The following DMRTA1 variants were observed in gnomAD, a reference collection of about 807,000 sequenced individuals.
DMRTA1 encodes the protein doublesex- and mab-3-related transcription factor A1.
Under a neutral mutation model 35.2 loss-of-function variants are expected in DMRTA1, and 34 were observed. The ratio of observed to expected loss-of-function variants is 0.97; its 90% CI spans 0.74 to 1.29. The LOEUF (loss-of-function observed/expected upper bound fraction) is 1.29, where lower values mean the gene tolerates loss of function less well. DMRTA1 is among the 50% of genes most tolerant of loss of function. The probability of loss-of-function intolerance (pLI) is 0.00; values close to 1 mark genes in which losing one functional copy is unlikely to be tolerated. For missense variants in DMRTA1, 824 were observed against 644.6 expected (o/e 1.28, Z -3.01); for synonymous variants, 344 against 276.6 (o/e 1.24, Z -2.42).
rs1248224722 is a variant in DMRTA1, at chr9:22,447,156, C to T, written c.91C>T (p.Pro31Ser). Reference protein sequence around the residue: ...PGLVVAAPPPPSPALPVPSGM... With the variant: ...PGLVVAAPPPSSPALPVPSGM... ...GCTAGTGGTGGCTGCCCCTCCGCCC[C>T]CGTCCCCGGCGTTGCCGGTACCATC... The change falls in exon 1 of 2, where the codon CCG becomes TCG. Residue 31 changes from proline to serine, a missense_variant. Pro to Ser is a moderately conservative substitution (Grantham distance 74). Transcript: ENST00000325870. 4 of 1,601,676 alleles carry T rather than the reference C, an allele frequency of 2.5e-6. No individual in the cohort carries two copies. Among genetic ancestry groups the T allele is most frequent in the Non-Finnish European group, 2.6e-6 (3 of 1,175,356 alleles).
chr9:22,446,991 C>T lies in DMRTA1; in HGVS notation c.-75C>T. The T allele has an allele frequency of 6.5e-7, 1 of 1,540,200 alleles. No individual in the cohort carries two copies. Among genetic ancestry groups the T allele is most frequent in the Non-Finnish European group, 8.8e-7 (1 of 1,141,298 alleles). Reference sequence around the variant, plus strand: ...ACCACGGCGCGTCCTGCCCCGGCTTCCCCAGCCTCCCAGCAGGGTTAGCTG... The same window carrying T: ...ACCACGGCGCGTCCTGCCCCGGCTTTCCCAGCCTCCCAGCAGGGTTAGCTG... On this transcript the variant is annotated 5_prime_UTR_variant, in exon 1 of 2. Transcript: ENST00000325870.
At chr9:22,448,179 G>A (rs1818869279) in intron 1 of DMRTA1, among the ~76,000 whole-genome samples, 1 of 152,128 alleles carries the variant, frequency 6.6e-6, no homozygotes, top group Non-Finnish European at 1.5e-5. Flanking sequence ...CGCCATTACA[G>A]CTCACTGCAG....
Position 22,451,540 on chromosome 9 carries a change from C to T in DMRTA1, c.1144C>T (p.Leu382=). 6.2e-7 allele frequency: 1 copy of T among 1,614,150 alleles called. No individual in the cohort carries two copies. The highest frequency in any genetic ancestry group is 2.2e-5 in the East Asian group (1 of 44,892). Residue 382 remains leucine, a synonymous_variant, in exon 2 of 2, where the codon CTG becomes TTG. Coordinates refer to ENST00000325870, the MANE Select transcript of DMRTA1 (RefSeq NM_022160.3). The part of the protein sequence containing the change: ...DNRNLANSEE[L]ENTAFQRASS... ...CAGGAACCTAGCAAACTCAGAAGAA[C>T]TGGAAAACACAGCCTTTCAGAGAGC...
rs1818939677 is a variant in DMRTA1 at position 22,452,006 on chromosome 9, A to G, written c.*95A>G. ...ACACATCCATTAATATACTTCAGTA[A>G]GTATGTGAGTGGATTATGAGGTCTT... On this transcript the variant is annotated 3_prime_UTR_variant, in exon 2 of 2. Transcript: ENST00000325870. 9 of 1,403,146 alleles carry G rather than the reference A, an allele frequency of 6.4e-6. No homozygotes were observed. The East Asian group carries it at 2.3e-4, about 35-fold the overall frequency. The allele number at this position is 1,403,146 out of a possible 1,614,324, so 86.9% of individuals were successfully genotyped here. A position where few individuals can be genotyped will look rare whatever the true frequency, so the allele number is the denominator to read the frequency against.
chr9:22,449,410 A>T (rs564946379), intron 1 of DMRTA1, among the ~76,000 whole-genome samples: 1 of 152,336 alleles, frequency 6.6e-6, no homozygotes, highest in South Asian at 2.1e-4. Context: ...CAGAGAGACG[A>T]TATAAGTGGT....
chr9:22,451,582 G>A lies in DMRTA1; in HGVS notation c.1186G>A (p.Ala396Thr), dbSNP rs35310697. Residue 396 changes from alanine (A) to threonine (T), a missense_variant, in exon 2 of 2, where the codon GCT (alanine) becomes ACT (threonine). By Grantham distance (58) the Ala-to-Thr change is moderately conservative. Coordinates refer to ENST00000325870, the MANE Select transcript of DMRTA1 (RefSeq NM_022160.3). ...AFQRASSFSLAGIGFGTLGNK... is the reference protein window; with the variant it reads ...AFQRASSFSLTGIGFGTLGNK... ...TCAGAGAGCTTCAAGTTTTAGTCTT[G>A]CTGGAATTGGTTTTGGAACTCTAGG... is the stretch of plus-strand genomic sequence containing the variant. 1.2e-6 allele frequency: 2 copies of A among 1,613,984 alleles called. No individual in the cohort carries two copies. The highest frequency in any genetic ancestry group is 1.7e-6 in the Non-Finnish European group (2 of 1,179,968).
In DMRTA1 at chr9:22,447,034, A is replaced by C; in HGVS notation, c.-32A>C. 6.3e-7 allele frequency: 1 copy of C among 1,593,436 alleles called. No homozygotes were observed. Among genetic ancestry groups the C allele is most frequent in the Non-Finnish European group, 8.5e-7 (1 of 1,171,042 alleles). ...GTTAGCTGCGGTCAGCGCACTTTCCACTTGGGACTCCCGGCCAGAAATTTC... is the reference window on the plus strand; with the variant it reads ...GTTAGCTGCGGTCAGCGCACTTTCCCCTTGGGACTCCCGGCCAGAAATTTC... On this transcript the variant is annotated 5_prime_UTR_variant, in exon 1 of 2. Transcript: ENST00000325870.
chr9:22,452,350 A>G lies in DMRTA1; in HGVS notation c.*439A>G, dbSNP rs902656000. 6.5e-6 allele frequency: 1 copy of G among 153,430 alleles called. No individual in the cohort carries two copies. The highest frequency in any genetic ancestry group is 1.5e-5 in the Non-Finnish European group (1 of 68,760). 9.5% of individuals were successfully genotyped at this position (153,430 alleles called of 1,614,324 possible). On this transcript the variant is annotated 3_prime_UTR_variant, in exon 2 of 2. Coordinates refer to ENST00000325870, the MANE Select transcript of DMRTA1 (RefSeq NM_022160.3). ...ACAATTAAGGCAATTCTAAATAATT[A>G]CCATTTCAAAACTGTTTCTTCTATT...
At chr9:22,450,326 T>A (rs1587669279) in intron 1 of DMRTA1, among the ~76,000 whole-genome samples, 1 of 152,074 alleles carries the variant, frequency 6.6e-6, no homozygotes, top group East Asian at 1.9e-4. Context: ...GCTTTTAAAG[T>A]CTGTTATTGA....
rs1196086677 is a variant in DMRTA1 at position 22,455,458 on chromosome 9, A to T, written c.*3547A>T. On this transcript the variant is annotated 3_prime_UTR_variant, in exon 2 of 2. Coordinates refer to ENST00000325870, the MANE Select transcript of DMRTA1 (RefSeq NM_022160.3). ...GAGTACAGTAATGCTTATATACGGG[A>T]TGCTAAATAAATAACTCTCACTGTT... 6.6e-6 allele frequency: 1 copy of T among 152,204 alleles called. No homozygotes were observed. The highest frequency in any genetic ancestry group is 1.5e-5 in the Non-Finnish European group (1 of 68,030). 9.4% of individuals were successfully genotyped at this position (152,204 alleles called of 1,614,324 possible). A position where few individuals can be genotyped will look rare whatever the true frequency, so the allele number is the denominator to read the frequency against.
chr9:22,447,616 C>T lies in DMRTA1; in HGVS notation c.551C>T (p.Ser184Phe), dbSNP rs897965378. ...GGCGGCAGAGCCGAGAATCCACAGT[C>T]CACGGGCGGCCCTGCGGCGGGGGCT... ...GGGGRAENPQ[S>F]TGGPAAGAAL... The change falls in exon 1 of 2, where the codon TCC (serine) becomes TTC (phenylalanine). Residue 184 changes from serine (S) to phenylalanine (F), a missense_variant. By Grantham distance (155) the Ser-to-Phe change is radical. Transcript: ENST00000325870. 1.2e-6 allele frequency: 2 copies of T among 1,610,354 alleles called. No individual in the cohort carries two copies. Among genetic ancestry groups the T allele is most frequent in the African/African-American group, 1.3e-5 (1 of 74,982 alleles).
rs1012167429 is a variant in DMRTA1, at chr9:22,454,061, T to G, written c.*2150T>G. ...TAAAATAGTTTTATAATCATAAAAC[T>G]TAATTTATATAATGCCTTACACATT... is the stretch of plus-strand genomic sequence containing the variant. On this transcript the variant is annotated 3_prime_UTR_variant, in exon 2 of 2. Coordinates refer to ENST00000325870, the MANE Select transcript of DMRTA1 (RefSeq NM_022160.3). The G allele has an allele frequency of 2.0e-5, 3 of 152,144 alleles. No homozygotes were observed. The highest frequency in any genetic ancestry group is 7.2e-5 in the African/African-American group (3 of 41,450). The allele number at this position is 152,144 out of a possible 1,614,324, so 9.4% of individuals were successfully genotyped here. A position where few individuals can be genotyped will look rare whatever the true frequency, so the allele number is the denominator to read the frequency against.
Position 22,447,321 on chromosome 9 carries a change from G to A in DMRTA1, c.256G>A (p.Ala86Thr). ...PAPGLESGVG[A>T]VGCGYPRTPK... ...TCCCGGGCTGGAGAGCGGGGTAGGC[G>A]CGGTGGGCTGCGGCTACCCGCGGAC... is the stretch of plus-strand genomic sequence containing the variant. Residue 86 changes from alanine to threonine, a missense_variant, in exon 1 of 2, where the codon GCG becomes ACG. Physicochemically the swap from Ala to Thr is moderately conservative, Grantham distance 58. Transcript: ENST00000325870. 2 of 1,533,972 alleles carry A rather than the reference G, an allele frequency of 1.3e-6. No individual in the cohort carries two copies. Among genetic ancestry groups the A allele is most frequent in the Non-Finnish European group, 1.7e-6 (2 of 1,144,322 alleles).
rs1401513722 is a variant in DMRTA1, at chr9:22,455,697, A to G, written c.*3786A>G. On this transcript the variant is annotated 3_prime_UTR_variant, in exon 2 of 2. Transcript: ENST00000325870. ...ACATATTCTCGTATATGTTATTTGG[A>G]TTATTTTCAGGGCTTTCTGAAGAAA... 1.3e-5 allele frequency: 2 copies of G among 152,090 alleles called. No homozygotes were observed. Among genetic ancestry groups the G allele is most frequent in the African/African-American group, 4.8e-5 (2 of 41,416 alleles). The allele number at this position is 152,090 out of a possible 1,614,324, so 9.4% of individuals were successfully genotyped here.
At position 22,447,108 on chromosome 9, in the gene DMRTA1, G is replaced by A. The variant is rs1478835471; in HGVS notation, c.43G>A (p.Gly15Ser). The A allele has an allele frequency of 1.6e-5, 26 of 1,609,114 alleles. No individual in the cohort carries two copies. The highest frequency in any genetic ancestry group is 2.2e-5 in the Non-Finnish European group (26 of 1,178,570). Residue 15 changes from glycine to serine, a missense_variant, in exon 1 of 2, where the codon GGC becomes AGC. Physicochemically the swap from Gly to Ser is moderately conservative, Grantham distance 56 (BLOSUM62 0). Coordinates refer to ENST00000325870, the MANE Select transcript of DMRTA1 (RefSeq NM_022160.3). The part of the protein sequence containing the change: ...QCGSRDRGVS[G>S]RPHLAPGLVV... ...TGGCAGCAGAGACCGAGGCGTTAGCGGCCGACCTCACTTGGCCCCTGGGCT... is the reference window on the plus strand; with the variant it reads ...TGGCAGCAGAGACCGAGGCGTTAGCAGCCGACCTCACTTGGCCCCTGGGCT...
Position 22,452,014 on chromosome 9 carries a change from A to G in DMRTA1, c.*103A>G. The stretch of plus-strand genomic sequence containing the variant: ...ATTAATATACTTCAGTAAGTATGTG[A>G]GTGGATTATGAGGTCTTAAAATGCT... On this transcript the variant is annotated 3_prime_UTR_variant, in exon 2 of 2. Transcript: ENST00000325870. 7.5e-7 allele frequency: 1 copy of G among 1,331,110 alleles called. No homozygotes were observed. The highest frequency in any genetic ancestry group is 1.4e-5 in the South Asian group (1 of 69,928). The allele number at this position is 1,331,110 out of a possible 1,614,324, so 82.5% of individuals were successfully genotyped here.
chr9:22,446,949 G>C lies in DMRTA1; in HGVS notation c.-117G>C. 7.6e-7 allele frequency: 1 copy of C among 1,308,770 alleles called. No individual in the cohort carries two copies. Among genetic ancestry groups the C allele is most frequent in the South Asian group, 1.4e-5 (1 of 70,766 alleles). The allele number at this position is 1,308,770 out of a possible 1,614,324, so 81.1% of individuals were successfully genotyped here. On this transcript the variant is annotated 5_prime_UTR_variant, in exon 1 of 2. Transcript: ENST00000325870. ...GAGTGTAAAACTTTTGTCCGTGCGCGGGTGGAGCTCAGTAGGACCACGGCG... is the reference window on the plus strand; with the variant it reads ...GAGTGTAAAACTTTTGTCCGTGCGCCGGTGGAGCTCAGTAGGACCACGGCG...
rs1462043136 is a variant in DMRTA1, at chr9:22,454,128, T to C, written c.*2217T>C. 1.3e-5 allele frequency: 2 copies of C among 152,102 alleles called. No homozygotes were observed. The highest frequency in any genetic ancestry group is 4.8e-5 in the African/African-American group (2 of 41,436). The allele number at this position is 152,102 out of a possible 1,614,324, so 9.4% of individuals were successfully genotyped here. A position where few individuals can be genotyped will look rare whatever the true frequency, so the allele number is the denominator to read the frequency against. On this transcript the variant is annotated 3_prime_UTR_variant, in exon 2 of 2. Transcript: ENST00000325870. ...AATTTAAGGACTTAATCTTATCAAA[T>C]AGGTCATTTGTCTAACAACTCAGTA...
Position 22,446,849 on chromosome 9 carries a change from G to C in DMRTA1, c.-217G>C, listed in dbSNP as rs867757277. 2 of 576,146 alleles carry C rather than the reference G, an allele frequency of 3.5e-6. No individual in the cohort carries two copies. Among genetic ancestry groups the C allele is most frequent in the African/African-American group, 2.0e-5 (1 of 50,064 alleles). 35.7% of individuals were successfully genotyped at this position (576,146 alleles called of 1,614,324 possible). ...AACTTAGCGCCCGGGGTCTCTGCCA[G>C]GCTCACGGGACAGCTGCACCTCTCA... is the stretch of plus-strand genomic sequence containing the variant. On this transcript the variant is annotated 5_prime_UTR_variant, in exon 1 of 2. Coordinates refer to ENST00000325870, the MANE Select transcript of DMRTA1 (RefSeq NM_022160.3).
Sources: allele counts gnomAD v4.1 joint callset (sites outside exome capture counted in the v4.1 genomes callset), GRCh38; gene constraint gnomAD v4.1.1; transcripts MANE v1.5; gene names NCBI Gene and HGNC (gene_info 2026-07-23, HGNC 2026-07-21).